Variants in TMEM45A observed in about 807,000 individuals in gnomAD.
The protein encoded by TMEM45A is transmembrane protein 45A, also known as DNA polymerase-transactivated protein 4.
A neutral mutation model predicts 32.0 loss-of-function variants in TMEM45A; 25 were observed. The observed-to-expected ratio is 0.78, with a 90% CI of 0.57 to 1.09. The LOEUF is 1.09. Among genes scored for constraint, TMEM45A ranks in the 50% least tolerant of loss-of-function variants. The pLI, the probability that TMEM45A is intolerant of heterozygous loss-of-function variation, is 0.00. For missense variants in TMEM45A, 302 were observed against 325.0 expected (o/e 0.93, Z 0.54); for synonymous variants, 122 against 114.8 (o/e 1.06, Z -0.40).
chr3:100,563,952 C>T (rs539001781), intron 4 of TMEM45A, among the ~76,000 whole-genome samples: 14 of 152,342 alleles, frequency 9.2e-5, no homozygotes, highest in Admixed American at 2.6e-4. Flanking sequence ...CAGATGTTGA[C>T]ACATCTTGCC....
chr3:100,555,567 T>C (rs1706203422), intron 2 of TMEM45A, among the ~76,000 whole-genome samples, 166 bp downstream of exon 2: 1 of 152,230 alleles, frequency 6.6e-6, no homozygotes, highest in Admixed American at 6.5e-5. Context: ...ATCAAGTTAT[T>C]ATGGAAAAGC....
intron 5 of TMEM45A, among the ~76,000 whole-genome samples, chr3:100,569,627 C>A (rs891508309): frequency 6.6e-6 from 1 of 152,086 alleles, no homozygotes; most frequent in African/African-American, 2.4e-5. Flanking sequence ...AATAATAAGA[C>A]CTAAATGAGA....
At chr3:100,539,946 C>T (rs1705831004) in intron 1 of TMEM45A, among the ~76,000 whole-genome samples, 1 of 152,042 alleles carries the variant, frequency 6.6e-6, no homozygotes, top group Non-Finnish European at 1.5e-5. Flanking sequence ...TTACCTTTTT[C>T]ATAAACATTA....
At chr3:100,531,793 G>C (rs1412280265) in intron 1 of TMEM45A, among the ~76,000 whole-genome samples, 1 of 152,232 alleles carries the variant, frequency 6.6e-6, no homozygotes, top group African/African-American at 2.4e-5. Flanking sequence ...CTTTGTAGCT[G>C]TCAGTACCAT....
At chr3:100,566,460 T>A (rs1452208164) in intron 4 of TMEM45A, among the ~76,000 whole-genome samples, 1 of 152,154 alleles carries the variant, frequency 6.6e-6, no homozygotes, top group South Asian at 2.1e-4. Flanking sequence ...TCATGGATAC[T>A]CCTACAAATG....
chr3:100,528,455 C>A (rs185023284), intron 1 of TMEM45A, among the ~76,000 whole-genome samples: 6 of 152,062 alleles, frequency 3.9e-5, no homozygotes, highest in African/African-American at 1.4e-4. Flanking sequence ...AGGGCAGAAT[C>A]GAAGGTGGGG....
In TMEM45A at chr3:100,558,291, CT is replaced by C; in HGVS notation, c.404-110del. 2.3e-6 allele frequency: 3 copies of C among 1,314,784 alleles called. No individual in the cohort carries two copies. The Admixed American group carries it at 6.2e-5, about 27-fold the overall frequency. The allele number at this position is 1,314,784 out of a possible 1,614,324, so 81.4% of individuals were successfully genotyped here. A position where few individuals can be genotyped will look rare whatever the true frequency, so the allele number is the denominator to read the frequency against. On this transcript the variant is annotated intron_variant, in intron 3 of 5. Coordinates refer to ENST00000323523, the MANE Select transcript of TMEM45A (RefSeq NM_018004.3). Reference sequence around the variant, plus strand: ...CTGTGGGAATCAGTGGGCGCCTGCTCTTTTGGACAAATGTGTGTATGTGTAA... The same window carrying C: ...CTGTGGGAATCAGTGGGCGCCTGCTCTTTGGACAAATGTGTGTATGTGTAA...
intron 4 of TMEM45A, among the ~76,000 whole-genome samples, chr3:100,566,538 G>GATAT (rs1372240402): frequency 2.6e-5 from 4 of 151,924 alleles, no homozygotes; most frequent in Non-Finnish European, 5.9e-5. Flanking sequence ...CCTTTTTGAG[G>GATAT]ATATATTATT....
At chr3:100,499,316 A>G (rs1474348763) in intron 1 of TMEM45A, among the ~76,000 whole-genome samples, 1 of 152,116 alleles carries the variant, frequency 6.6e-6, no homozygotes, top group Admixed American at 6.6e-5. Flanking sequence ...TGAGAATTTT[A>G]TAGTTTTAGC....
rs1302066586 is a variant in TMEM45A at position 100,521,265 on chromosome 3, C to CT, written c.-4+28347dup. Among the ~76,000 whole-genome samples the CT allele has an allele frequency of 2.0e-3, 291 of 148,806 alleles. 6 individuals carry two copies. The highest frequency in any genetic ancestry group is 9.4e-3 in the Admixed American group (140 of 14,922). ...AGGGTTTAGCTTTCATTTCCCCTTT[C>CT]TTTTTTTTTTGAGACCGAGTTTCCA... On this transcript the variant is annotated intron_variant, in intron 1 of 5. Transcript: ENST00000323523.
chr3:100,574,260 A>T (rs1012276268), intron 5 of TMEM45A: 3 of 152,202 alleles, frequency 2.0e-5, no homozygotes, highest in Non-Finnish European at 4.4e-5. Context: ...TAGCAAGACT[A>T]ATAAAGAAGA....
chr3:100,506,257 A>G (rs1708078735), intron 1 of TMEM45A, among the ~76,000 whole-genome samples: 1 of 152,210 alleles, frequency 6.6e-6, no homozygotes, highest in East Asian at 1.9e-4. Context: ...ACTGCTCCAT[A>G]TTTGCCTAAT....
chr3:100,565,577 G>C (rs1189360538), intron 4 of TMEM45A, among the ~76,000 whole-genome samples: 1 of 151,936 alleles, frequency 6.6e-6, no homozygotes. Context: ...ATTAAAATGA[G>C]GGTAATAATA....
intron 1 of TMEM45A, among the ~76,000 whole-genome samples, chr3:100,501,243 G>C (rs1004541421): frequency 4.6e-5 from 7 of 152,326 alleles, no homozygotes; most frequent in African/African-American, 1.7e-4. Flanking sequence ...CTACAGACTA[G>C]TCCTGTGGTA....
At chr3:100,535,301 A>G (rs1705722334) in intron 1 of TMEM45A, among the ~76,000 whole-genome samples, 1 of 152,090 alleles carries the variant, frequency 6.6e-6, no homozygotes, top group Non-Finnish European at 1.5e-5. Flanking sequence ...TTTAGTAGAG[A>G]TGGGGTTTCA....
At chr3:100,550,835 G>A (rs1168360841) in intron 1 of TMEM45A, among the ~76,000 whole-genome samples, 1 of 152,134 alleles carries the variant, frequency 6.6e-6, no homozygotes, top group Non-Finnish European at 1.5e-5. Context: ...GCAAAAAGTA[G>A]GGTAATGGGG....
intron 1 of TMEM45A, among the ~76,000 whole-genome samples, chr3:100,541,693 C>T (rs906209892): frequency 6.6e-6 from 1 of 151,940 alleles, no homozygotes; most frequent in Non-Finnish European, 1.5e-5. Context: ...CCATGCCCAG[C>T]TAACTTTTTA....
chr3:100,505,059 G>A lies in TMEM45A; in HGVS notation c.-4+12131G>A, dbSNP rs939217559. Among the ~76,000 whole-genome samples, 9 of 152,174 alleles carry A rather than the reference G, an allele frequency of 5.9e-5. 1 individual carries two copies. In the East Asian group the frequency reaches 9.6e-4, roughly 16 times the overall value. ...GAGATTGGAGAACAAAAGGTTGACC[G>A]TGTGGTTGTTGTCACAGACTCATTG... On this transcript the variant is annotated intron_variant, in intron 1 of 5. Transcript: ENST00000323523.
At chr3:100,493,999 T>C (rs983169001) in intron 1 of TMEM45A, among the ~76,000 whole-genome samples, 10 of 152,216 alleles carry the variant, frequency 6.6e-5, no homozygotes, top group African/African-American at 2.4e-4. Flanking sequence ...CGCAAAGTGC[T>C]GGGATTACAG....
Sources: gnomAD v4.1 joint callset for allele counts (sites outside exome capture counted in the v4.1 genomes callset) on GRCh38, gnomAD v4.1.1 for gene constraint, MANE v1.5 for transcripts, NCBI Gene and HGNC (gene_info 2026-07-23, HGNC 2026-07-21) for gene names.